Variants in KCND2 observed in about 807,000 individuals in gnomAD.
KCND2 encodes the protein A-type voltage-gated potassium channel KCND2.
In KCND2, 16 loss-of-function variants were observed where a neutral mutation model predicts 54.4. That is an observed-to-expected ratio of 0.29 (90% confidence interval 0.20 to 0.45). The LOEUF is 0.45. Among genes scored for constraint, KCND2 ranks in the 20% least tolerant of loss-of-function variants. The probability of loss-of-function intolerance (pLI) is 1.00; values close to 1 mark genes in which losing one functional copy is unlikely to be tolerated. For synonymous variants in KCND2, 317 were observed against 310.7 expected (o/e 1.02, Z -0.21); for missense variants, 486 against 824.2 (o/e 0.59, Z 5.02).
At chr7:120,672,026 A>T (rs531049463) in intron 1 of KCND2, among the ~76,000 whole-genome samples, 1 of 152,040 alleles carries the variant, frequency 6.6e-6, no homozygotes, top group Non-Finnish European at 1.5e-5. Context: ...AGCAGTCTTT[A>T]TCTCCTTCAA....
intron 1 of KCND2, among the ~76,000 whole-genome samples, chr7:120,647,618 A>G (rs765649695): frequency 6.6e-6 from 1 of 152,238 alleles, no homozygotes; most frequent in Non-Finnish European, 1.5e-5. Context: ...GGCTGCAGAA[A>G]AGAACGGCTA....
intron 1 of KCND2, among the ~76,000 whole-genome samples, chr7:120,590,224 G>A (rs2116456781): frequency 6.6e-6 from 1 of 152,132 alleles, no homozygotes; most frequent in South Asian, 2.1e-4. Flanking sequence ...TCACCATATT[G>A]GCCCCGCTGG....
chr7:120,516,105 A>G (rs958604461), intron 1 of KCND2, among the ~76,000 whole-genome samples: 1 of 152,118 alleles, frequency 6.6e-6, no homozygotes, highest in African/African-American at 2.4e-5. Flanking sequence ...TGATCTTCCA[A>G]ATTTCAAGTA....
intron 1 of KCND2, among the ~76,000 whole-genome samples, chr7:120,698,185 T>C (rs1792356368): frequency 6.6e-6 from 1 of 152,158 alleles, no homozygotes; most frequent in Non-Finnish European, 1.5e-5. Flanking sequence ...CAGATAACTG[T>C]TGTATTTTTA....
intron 1 of KCND2, among the ~76,000 whole-genome samples, chr7:120,556,061 CAT>C (rs1792159324): frequency 6.6e-6 from 1 of 152,146 alleles, no homozygotes. Context: ...ATTCTTGACA[CAT>C]GTAAGTTATT....
intron 1 of KCND2, among the ~76,000 whole-genome samples, chr7:120,510,635 A>G (rs1803099680): frequency 6.6e-6 from 1 of 152,030 alleles, no homozygotes; most frequent in African/African-American, 2.4e-5. Flanking sequence ...CTCTCTATGA[A>G]TTACACAGAT....
At chr7:120,594,514 C>G (rs991081655) in intron 1 of KCND2, among the ~76,000 whole-genome samples, 3 of 152,188 alleles carry the variant, frequency 2.0e-5, no homozygotes, top group African/African-American at 7.2e-5. Context: ...TCTCTGGAGG[C>G]TCCACTCTCT....
At chr7:120,493,418 C>T (rs535112664) in intron 1 of KCND2, among the ~76,000 whole-genome samples, 90 of 151,648 alleles carry the variant, frequency 5.9e-4, no homozygotes, top group African/African-American at 1.9e-3. Flanking sequence ...GATATAACAA[C>T]GAAGAAAGTA....
intron 1 of KCND2, among the ~76,000 whole-genome samples, chr7:120,728,049 G>C (rs1265991814): frequency 6.7e-6 from 1 of 148,980 alleles, no homozygotes; most frequent in Admixed American, 6.7e-5. Flanking sequence ...CACGAGAATC[G>C]CTTGAACCCA....
Position 120,738,522 on chromosome 7 carries a change from GC to G in KCND2, c.1279-3011del, listed in dbSNP as rs372663743. ...TAAATTATTTGAAAATAACTATGAA[GC>G]TTTTTTTACACTGAAAATGTAAACC... On this transcript the variant is annotated intron_variant, in intron 2 of 5. Transcript: ENST00000331113. 1.4e-4 allele frequency among the ~76,000 whole-genome samples: 22 copies of G among 151,982 alleles called. No homozygotes were observed. In the East Asian group the frequency reaches 4.3e-3, roughly 29 times the overall value.
chr7:120,672,873 CTT>C (rs1421926027), intron 1 of KCND2: 3 of 152,090 alleles, frequency 2.0e-5, no homozygotes, highest in Non-Finnish European at 4.4e-5. Context: ...TTTCTGCTCT[CTT>C]TGGCAGCACG....
chr7:120,294,028 G>A (rs897914515), intron 1 of KCND2, among the ~76,000 whole-genome samples: 5 of 151,914 alleles, frequency 3.3e-5, no homozygotes, highest in Non-Finnish European at 7.4e-5. Flanking sequence ...TCTTGCATTC[G>A]TTTGTGATTT....
At position 120,275,741 on chromosome 7, in the gene KCND2, C is replaced by T; in HGVS notation, c.1109C>T (p.Thr370Ile). 1 of 1,600,318 alleles carries T rather than the reference C, an allele frequency of 6.2e-7. No individual in the cohort carries two copies. Among genetic ancestry groups the T allele is most frequent in the Non-Finnish European group, 8.5e-7 (1 of 1,179,946 alleles). ...AFWYTIVTMT[T>I]LGYGDMVPKT... is the part of the protein sequence containing the mutation. ...TGGTATACCATCGTCACCATGACAA[C>T]ACTAGGGTAGGTGCCATAATGGGAA... is the stretch of plus-strand genomic sequence containing the variant. The change falls in exon 1 of 6, where the codon ACA (threonine) becomes ATA (isoleucine). Residue 370 changes from threonine (T) to isoleucine (I), a missense_variant. Physicochemically the swap from Thr to Ile is moderately conservative, Grantham distance 89. This residue lies in a region of KCND2 where 7 missense variants were observed against 41.0 expected (regional missense o/e 0.17). Transcript: ENST00000331113.
At chr7:120,621,276 CAAAAAAAAAAAAAAAAA>C (rs1175736454) in intron 1 of KCND2, among the ~76,000 whole-genome samples, 1 of 47,192 alleles carries the variant, frequency 2.1e-5, no homozygotes, top group East Asian at 6.2e-4. Flanking sequence ...GACTCCGTCT[CAAAAAAAAAAAAAAAAA>C]AAAAAAAAAA....
At position 120,745,914 on chromosome 7, in the gene KCND2, CA is replaced by C. The variant is rs770990872; in HGVS notation, c.1609del (p.Thr537LeufsTer40). 1 of 1,613,838 alleles carries C rather than the reference CA, an allele frequency of 6.2e-7. No individual in the cohort carries two copies. ...VTSTCCSRRH[K>X]KTFRIPNANV... ...CCAGCACCTGCTGTTCACGACGACA[CA>C]AAAAAACTTTTCGCATCCCAAATGC... On this transcript the variant is annotated frameshift_variant, in exon 5 of 6. Transcript: ENST00000331113. LOFTEE classifies it high-confidence loss of function.
chr7:120,604,504 AAATAACAATAATAAT>A lies in KCND2; in HGVS notation c.1116-128393_1116-128379del, dbSNP rs1174564527. The stretch of plus-strand genomic sequence containing the variant: ...GGTGACAGAGCAAGACTCCATCTAA[AAATAACAATAATAAT>A]AATAATAATAATAATAATAATAATA... On this transcript the variant is annotated intron_variant, in intron 1 of 5. Coordinates refer to ENST00000331113, the MANE Select transcript of KCND2 (RefSeq NM_012281.3). Among the ~76,000 whole-genome samples, 50 of 82,692 alleles carry A rather than the reference AAATAACAATAATAAT, an allele frequency of 6.0e-4. 1 individual carries two copies. The highest frequency in any genetic ancestry group is 6.0e-3 in the Middle Eastern group (1 of 168). 54.2% of individuals were successfully genotyped at this position (82,692 alleles called of 152,430 possible). A position where few individuals can be genotyped will look rare whatever the true frequency, so the allele number is the denominator to read the frequency against.
intron 1 of KCND2, among the ~76,000 whole-genome samples, chr7:120,556,807 A>G (rs1439275213): frequency 6.6e-6 from 1 of 152,220 alleles, no homozygotes; most frequent in Non-Finnish European, 1.5e-5. Flanking sequence ...TTTAAGAGAC[A>G]TGAAATATAA....
Position 120,748,526 on chromosome 7 carries a change from G to GTAAA in KCND2, c.*670_*673dup, listed in dbSNP as rs967130953. 6.6e-6 allele frequency: 1 copy of GTAAA among 152,490 alleles called. No homozygotes were observed. Among genetic ancestry groups the GTAAA allele is most frequent in the African/African-American group, 2.4e-5 (1 of 41,424 alleles). 9.4% of individuals were successfully genotyped at this position (152,490 alleles called of 1,614,324 possible). On this transcript the variant is annotated 3_prime_UTR_variant, in exon 6 of 6. Transcript: ENST00000331113. Reference sequence around the variant, plus strand: ...GTATTTCTCATGGGGATGCTCATTAGTAAATCTAAAGTGTTCAGATAGTTC... The same window carrying GTAAA: ...GTATTTCTCATGGGGATGCTCATTAGTAAATAAATCTAAAGTGTTCAGATAGTTC...
intron 1 of KCND2, among the ~76,000 whole-genome samples, chr7:120,587,895 G>A (rs1166248503): frequency 6.6e-6 from 1 of 152,138 alleles, no homozygotes; most frequent in Admixed American, 6.5e-5. Context: ...TACAGGTTTT[G>A]TGGTAGACCC....
Sources: gnomAD v4.1 joint callset for allele counts (sites outside exome capture counted in the v4.1 genomes callset) on GRCh38, gnomAD v4.1.1 for gene constraint, gnomAD v4.1.1 regional missense constraint, MANE v1.5 for transcripts, NCBI Gene and HGNC (gene_info 2026-07-23, HGNC 2026-07-21) for gene names.